Variants in MME observed in about 807,000 individuals in gnomAD.
MME encodes membrane metalloendopeptidase.
In MME, 98 loss-of-function variants were observed where a neutral mutation model predicts 113.2. The observed-to-expected ratio is 0.87, with a 90% CI of 0.74 to 1.02. The LOEUF is 1.02. MME is among the 50% of genes least tolerant of loss of function. The pLI is 0.00. For synonymous variants in MME, 292 were observed against 300.6 expected (o/e 0.97, Z 0.30); for missense variants, 836 against 896.0 (o/e 0.93, Z 0.86).
intron 1 of MME, among the ~76,000 whole-genome samples, chr3:155,058,539 G>T (rs1231039463): frequency 1.3e-5 from 2 of 152,052 alleles, no homozygotes; most frequent in Non-Finnish European, 2.9e-5. Flanking sequence ...AAAACAATTT[G>T]CTAGCATTGT....
Position 155,180,477 on chromosome 3 carries a change from G to A in MME, c.*18G>A, listed in dbSNP as rs372377065. On this transcript the variant is annotated 3_prime_UTR_variant, in exon 23 of 23. Coordinates refer to ENST00000360490, the MANE Select transcript of MME (RefSeq NM_007289.4). ...TTTGGTGATCTTCAAAAGAAGCATT[G>A]CAGCCCTTGGCTAGACTTGCCAACA... The A allele has an allele frequency of 3.1e-6, 5 of 1,588,372 alleles. No homozygotes were observed. In the African/African-American group the frequency reaches 5.4e-5, roughly 17 times the overall value.
At chr3:155,034,474 T>G (rs1025615229) in intron 1 of MME, among the ~76,000 whole-genome samples, 2 of 152,214 alleles carry the variant, frequency 1.3e-5, no homozygotes. Context: ...TTTCCTGGCC[T>G]TGTGCAGTCT....
chr3:155,079,313 G>C (rs1014508548), upstream of MME, among the ~76,000 whole-genome samples: 4 of 152,090 alleles, frequency 2.6e-5, no homozygotes, highest in African/African-American at 9.7e-5. Flanking sequence ...AGCGTGAGAA[G>C]AGGCAAGCAT....
At chr3:155,032,680 G>A (rs892067071) in intron 1 of MME, among the ~76,000 whole-genome samples, 4 of 152,190 alleles carry the variant, frequency 2.6e-5, no homozygotes, top group African/African-American at 7.2e-5. Flanking sequence ...AAATGACAGG[G>A]ATCACAGGAG....
In MME at chr3:155,108,804, C is replaced by T. The variant is rs558726953; in HGVS notation, c.197-6190C>T. Among the ~76,000 whole-genome samples, 317 of 152,138 alleles carry T rather than the reference C, an allele frequency of 2.1e-3. 2 individuals carry two copies. Among genetic ancestry groups the T allele is most frequent in the African/African-American group, 7.3e-3 (304 of 41,542 alleles). ...AGAAAACAAGCCTCCAGGGAATGCA[C>T]ATATATAAATATTAAGATAGTTGTT... On this transcript the variant is annotated intron_variant, in intron 3 of 22. Coordinates refer to ENST00000360490, the MANE Select transcript of MME (RefSeq NM_007289.4).
intron 8 of MME, among the ~76,000 whole-genome samples, chr3:155,119,453 C>T (rs1421139359): frequency 1.4e-5 from 2 of 141,988 alleles, no homozygotes; most frequent in Admixed American, 7.2e-5. Flanking sequence ...TTTTAGGGTA[C>T]ATGTGCACAT....
rs1209332250 is a variant in MME, at chr3:155,148,642, G to A, written c.1590G>A (p.Val530=). 1.2e-6 allele frequency: 2 copies of A among 1,610,340 alleles called. No homozygotes were observed. The highest frequency in any genetic ancestry group is 1.7e-6 in the Non-Finnish European group (2 of 1,177,008). Residue 530 remains valine, a synonymous_variant, in exon 16 of 23, where the codon GTG becomes GTA. Transcript: ENST00000360490. ...AACTGAAGAAGCTCCGAGAAAAGGT[G>A]GACAAAGATGAGTGCGTATATTCTC... ...SKQLKKLREK[V]DKDEWISGAA... is the part of the protein sequence containing the mutation.
chr3:155,171,041 A>G (rs1174596949), intron 20 of MME, among the ~76,000 whole-genome samples: 3 of 152,162 alleles, frequency 2.0e-5, no homozygotes, highest in Admixed American at 1.3e-4. Flanking sequence ...TTGGCACTCA[A>G]TATTCCCATG....
intron 8 of MME, among the ~76,000 whole-genome samples, chr3:155,127,949 T>TA (rs3836437): frequency 0.67 from 101,182 of 152,096 alleles, 33,853 homozygotes; most frequent in South Asian, 0.75. Context: ...ATTCTCAGCT[T>TA]AATTAGGTGC....
Position 155,080,971 on chromosome 3 carries a change from A to G in MME, c.-11+505A>G, listed in dbSNP as rs776670375. The stretch of plus-strand genomic sequence containing the variant: ...AACCCTGTGTCTTTGGTTGTAGAGC[A>G]GCACTAACCAGGGGAGTAATATGGT... On this transcript the variant is annotated intron_variant, in intron 1 of 22. Coordinates refer to ENST00000360490, the MANE Select transcript of MME (RefSeq NM_007289.4). The G allele has an allele frequency of 3.3e-5, 5 of 152,332 alleles. 1 individual carries two copies. The East Asian group carries it at 7.7e-4, about 24-fold the overall frequency. 9.4% of individuals were successfully genotyped at this position (152,332 alleles called of 1,614,324 possible). A position where few individuals can be genotyped will look rare whatever the true frequency, so the allele number is the denominator to read the frequency against.
chr3:155,130,851 C>T (rs1478849317), intron 8 of MME, among the ~76,000 whole-genome samples: 1 of 137,944 alleles, frequency 7.2e-6, no homozygotes, highest in Non-Finnish European at 1.6e-5. Context: ...TACAATTTAA[C>T]TTCATTTTTT....
chr3:155,049,058 T>G (rs1713661930), intron 1 of MME, among the ~76,000 whole-genome samples: 1 of 152,146 alleles, frequency 6.6e-6, no homozygotes, highest in Non-Finnish European at 1.5e-5. Context: ...TTCTTTCTAT[T>G]GCTTCATTAT....
intron 16 of MME, among the ~76,000 whole-genome samples, chr3:155,154,013 A>G (rs958403312): frequency 6.6e-6 from 1 of 152,206 alleles, no homozygotes; most frequent in Non-Finnish European, 1.5e-5. Flanking sequence ...AGCTTTACTT[A>G]TTAGTAAAAC....
chr3:155,152,908 A>G (rs1386118937), intron 16 of MME, among the ~76,000 whole-genome samples: 1 of 152,134 alleles, frequency 6.6e-6, no homozygotes, highest in Non-Finnish European at 1.5e-5. Flanking sequence ...ACACAACATC[A>G]TCTTTAACAA....
rs188419869 is a variant in MME, at chr3:155,172,107, A to T, written c.1981-10A>T. The T allele has an allele frequency of 6.7e-7, 1 of 1,503,532 alleles. No individual in the cohort carries two copies. Among genetic ancestry groups the T allele is most frequent in the South Asian group, 1.1e-5 (1 of 88,458 alleles). 93.1% of individuals were successfully genotyped at this position (1,503,532 alleles called of 1,614,324 possible). On this transcript the variant is annotated splice_polypyrimidine_tract_variant and intron_variant, in intron 20 of 22. Coordinates refer to ENST00000360490, the MANE Select transcript of MME (RefSeq NM_007289.4). ...AATATTATTGTTTTTCTATTTTATC[A>T]ACTGCCTAGGCCTATCAGAATTATA...
In MME at chr3:155,089,281, G is replaced by A. The variant is rs61762347; in HGVS notation, c.196+4187G>A. On this transcript the variant is annotated intron_variant, in intron 3 of 22. Coordinates refer to ENST00000360490, the MANE Select transcript of MME (RefSeq NM_007289.4). ...TATAAAACTTGTATGTGATTTTGCAGACTTTTCCGTGTAAGTCTGAATCCT... is the reference window on the plus strand; with the variant it reads ...TATAAAACTTGTATGTGATTTTGCAAACTTTTCCGTGTAAGTCTGAATCCT... Among the ~76,000 whole-genome samples, 691 of 152,268 alleles carry A rather than the reference G, an allele frequency of 4.5e-3. 2 individuals carry two copies. Among genetic ancestry groups the A allele is most frequent in the Non-Finnish European group, 7.3e-3 (497 of 68,016 alleles).
intron 1 of MME, among the ~76,000 whole-genome samples, chr3:155,069,153 G>T (rs1714474097): frequency 6.6e-6 from 1 of 152,116 alleles, no homozygotes; most frequent in Non-Finnish European, 1.5e-5. Flanking sequence ...GGAGTTGTCT[G>T]CCATGAGATC....
chr3:155,067,273 C>A (rs1576680480), intron 1 of MME, among the ~76,000 whole-genome samples: 4 of 129,448 alleles, frequency 3.1e-5, no homozygotes, highest in African/African-American at 5.6e-5. Context: ...ATTTATATAA[C>A]AGATTTAGCT....
At chr3:155,066,931 A>G (rs1714398406) in intron 1 of MME, among the ~76,000 whole-genome samples, 1 of 152,216 alleles carries the variant, frequency 6.6e-6, no homozygotes, top group Non-Finnish European at 1.5e-5. Context: ...AGTGAGATTT[A>G]TCCTTATATA....
Sources: gnomAD v4.1 joint callset for allele counts (sites outside exome capture counted in the v4.1 genomes callset) on GRCh38, gnomAD v4.1.1 for gene constraint, MANE v1.5 for transcripts, NCBI Gene and HGNC (gene_info 2026-07-23, HGNC 2026-07-21) for gene names.